The following INPP5D variants were observed in gnomAD, a reference collection of about 807,000 sequenced individuals.
INPP5D encodes the protein phosphatidylinositol 3,4,5-trisphosphate 5-phosphatase 1.
INPP5D carries 33 observed loss-of-function variants against 122.9 expected under a neutral mutation model. The ratio of observed to expected loss-of-function variants is 0.27; its 90% CI spans 0.20 to 0.36. The LOEUF (loss-of-function observed/expected upper bound fraction) is 0.36. Among genes scored for constraint, INPP5D ranks in the 10% least tolerant of loss-of-function variants. INPP5D has a pLI of 1.00. For missense variants in INPP5D, 1,053 were observed against 1,412.7 expected (o/e 0.75, Z 4.08); for synonymous variants, 584 against 576.2 (o/e 1.01, Z -0.19).
At chr2:233,169,039 T>A (rs1054823601) in intron 13 of INPP5D, 3 of 447,856 alleles carry the variant, frequency 6.7e-6, no homozygotes, top group Non-Finnish European at 1.2e-5. Flanking sequence ...CTGGTCACTT[T>A]AGAGAGAGAT....
rs990352685 is a variant in INPP5D, at chr2:233,065,925, G to A, written c.134+5313G>A. ...CTCCCAAAGTGCTGGGATTACAGGT[G>A]TGAGCCACCGCACCTGGCCTTTTTT... On this transcript the variant is annotated intron_variant, in intron 1 of 26. Coordinates refer to ENST00000445964, the MANE Select transcript of INPP5D (RefSeq NM_001017915.3). Among the ~76,000 whole-genome samples the A allele has an allele frequency of 2.2e-4, 34 of 151,128 alleles. No individual in the cohort carries two copies. In the East Asian group the frequency reaches 5.9e-3, roughly 26 times the overall value.
At position 233,146,590 on chromosome 2, in the gene INPP5D, C is replaced by T. The variant is rs528101970; in HGVS notation, c.906+152C>T. Among the ~76,000 whole-genome samples, 247 of 152,298 alleles carry T rather than the reference C, an allele frequency of 1.6e-3. 3 individuals carry two copies. Among genetic ancestry groups the T allele is most frequent in the African/African-American group, 5.8e-3 (242 of 41,564 alleles). On this transcript the variant is annotated intron_variant, in intron 8 of 26. Transcript: ENST00000445964. Reference sequence around the variant, plus strand: ...AGAATGGCAGTCAGTTGACCTTTGTCGCTGTGATGGCGGTTCAACGTCAGA... The same window carrying T: ...AGAATGGCAGTCAGTTGACCTTTGTTGCTGTGATGGCGGTTCAACGTCAGA...
At chr2:233,088,965 C>G (rs1691922231) in intron 2 of INPP5D, among the ~76,000 whole-genome samples, 1 of 152,198 alleles carries the variant, frequency 6.6e-6, no homozygotes, top group African/African-American at 2.4e-5. Context: ...GACCCTAGAC[C>G]CTGTCTGCCT....
chr2:233,099,474 G>A (rs1225141001), intron 2 of INPP5D, among the ~76,000 whole-genome samples: 2 of 152,302 alleles, frequency 1.3e-5, no homozygotes, highest in East Asian at 3.9e-4. Context: ...GCCTATGTCT[G>A]GACTGACACT....
Position 233,185,843 on chromosome 2 carries a change from G to A in INPP5D, c.2276G>A (p.Ser759Asn). Residue 759 changes from serine to asparagine, a missense_variant and splice_region_variant, in exon 21 of 27, where the codon AGT (serine) becomes AAT (asparagine). By Grantham distance (46) the Ser-to-Asn change is conservative. This residue lies in a region of INPP5D where 258 missense variants were observed against 439.1 expected (regional missense o/e 0.59). Coordinates refer to ENST00000445964, the MANE Select transcript of INPP5D (RefSeq NM_001017915.3). Reference protein sequence around the residue: ...YLEFHSSCLESFVKSQEGENE... With the variant: ...YLEFHSSCLENFVKSQEGENE... ...AACCAGCCTTTTTGTCCTCCAACAG[G>A]TTTTGTCAAGAGTCAGGAAGGAGAA... 1.2e-6 allele frequency: 2 copies of A among 1,601,948 alleles called. No individual in the cohort carries two copies. The highest frequency in any genetic ancestry group is 1.7e-6 in the Non-Finnish European group (2 of 1,173,960).
intron 2 of INPP5D, among the ~76,000 whole-genome samples, chr2:233,086,904 G>A (rs965981956): frequency 3.9e-5 from 6 of 152,096 alleles, no homozygotes; most frequent in African/African-American, 7.2e-5. Context: ...AGCCTGTGTC[G>A]TGTTTCTGGG....
intron 2 of INPP5D, among the ~76,000 whole-genome samples, chr2:233,112,481 G>A (rs962865851): frequency 2.6e-5 from 4 of 152,076 alleles, no homozygotes; most frequent in East Asian, 1.9e-4. Context: ...TCTTGGCCTC[G>A]ATTCAAAGGC....
intron 1 of INPP5D, among the ~76,000 whole-genome samples, chr2:233,066,459 A>G (rs867335203): frequency 1.3e-5 from 2 of 152,176 alleles, no homozygotes; most frequent in South Asian, 4.1e-4. Context: ...GCTGGGCTGC[A>G]TTTGCAAAAT....
At chr2:233,154,330 G>T (rs979497346) in intron 9 of INPP5D, among the ~76,000 whole-genome samples, 1 of 152,140 alleles carries the variant, frequency 6.6e-6, no homozygotes, top group African/African-American at 2.4e-5. Flanking sequence ...TGTATTTTTA[G>T]TAGAAATGAG....
intron 9 of INPP5D, among the ~76,000 whole-genome samples, chr2:233,153,346 G>C (rs1302124819): frequency 6.6e-6 from 1 of 152,176 alleles, no homozygotes; most frequent in East Asian, 1.9e-4. Flanking sequence ...AGACGAGGCT[G>C]ATGTCATTTC....
chr2:233,199,610 T>G (rs974483087), intron 25 of INPP5D, among the ~76,000 whole-genome samples: 15 of 151,690 alleles, frequency 9.9e-5, no homozygotes, highest in African/African-American at 3.4e-4. Context: ...CAGACAGATC[T>G]CGAGGTCAGG....
At position 233,130,543 on chromosome 2, in the gene INPP5D, A is replaced by G; in HGVS notation, c.560A>G (p.Tyr187Cys). 1 of 1,613,974 alleles carries G rather than the reference A, an allele frequency of 6.2e-7. No homozygotes were observed. The highest frequency in any genetic ancestry group is 8.5e-7 in the Non-Finnish European group (1 of 1,179,884). ...PEEHLKAIQD[Y>C]LSTQLAQDSE... ...GAGCATCTTAAGGCCATCCAAGATT[A>G]TTTAAGCACTCAGCTCGCCCAGGAC... is the stretch of plus-strand genomic sequence containing the variant. Residue 187 changes from tyrosine (Y) to cysteine (C), a missense_variant, in exon 5 of 27, where the codon TAT (tyrosine) becomes TGT (cysteine). Around this residue, in one of 6 missense-constraint regions of INPP5D, gnomAD observed 196 missense variants for 175.6 expected, o/e 1.12. Transcript: ENST00000445964.
chr2:233,186,562 G>A (rs774350217), intron 21 of INPP5D, among the ~76,000 whole-genome samples: 7 of 151,794 alleles, frequency 4.6e-5, no homozygotes, highest in Non-Finnish European at 5.9e-5. Context: ...CAGCACCTAG[G>A]AAGCCAAGGC....
intron 4 of INPP5D, among the ~76,000 whole-genome samples, chr2:233,127,859 C>T (rs1377085466): frequency 6.6e-6 from 1 of 152,196 alleles, no homozygotes; most frequent in Non-Finnish European, 1.5e-5. Flanking sequence ...CTGCCCGCCT[C>T]GACCTCCCAA....
chr2:233,147,389 G>GT, intron 8 of INPP5D, 82 bp from the exon 9 acceptor site: 1 of 684,720 alleles, frequency 1.5e-6, no homozygotes, highest in South Asian at 1.5e-5. Context: ...GCCCAGCCAT[G>GT]TAGACAAGGG....
rs182769682 is a variant in INPP5D, at chr2:233,100,788, C to T, written c.199-21319C>T. ...TTTCCCCAGAGGGCAGGGTGGGCCC[C>T]ACTGGGGAGCTGGAGGGCTCACTTT... On this transcript the variant is annotated intron_variant, in intron 2 of 26. Coordinates refer to ENST00000445964, the MANE Select transcript of INPP5D (RefSeq NM_001017915.3). This position sits in a 1 kb window ranked among gnomAD's most constrained non-coding sequence, Gnocchi z 5.3. 4.2e-4 allele frequency among the ~76,000 whole-genome samples: 64 copies of T among 152,352 alleles called. No individual in the cohort carries two copies. Among genetic ancestry groups the T allele is most frequent in the Admixed American group, 2.6e-3 (40 of 15,300 alleles).
intron 1 of INPP5D, among the ~76,000 whole-genome samples, chr2:233,076,901 C>T (rs952593018): frequency 3.3e-5 from 5 of 152,022 alleles, no homozygotes; most frequent in Non-Finnish European, 2.9e-5. Context: ...CATTCATATC[C>T]GGTTAGTAGG....
At chr2:233,158,216 A>G in intron 9 of INPP5D, 97 bp from the exon 10 acceptor site, 1 of 611,070 alleles carries the variant, frequency 1.6e-6, no homozygotes. Context: ...CAGCTTGGGG[A>G]CGGGAGTTGA....
intron 2 of INPP5D, among the ~76,000 whole-genome samples, chr2:233,086,588 C>T (rs184705471): frequency 2.2e-4 from 33 of 152,182 alleles, no homozygotes; most frequent in Non-Finnish European, 3.1e-4. Flanking sequence ...GGCCAACACA[C>T]GGAAAGGAGA....
Sources: allele counts gnomAD v4.1 joint callset (sites outside exome capture counted in the v4.1 genomes callset), GRCh38; gene constraint gnomAD v4.1.1; regional missense constraint gnomAD v4.1.1; non-coding constraint Gnocchi (gnomAD v3.1); transcripts MANE v1.5; gene names NCBI Gene and HGNC (gene_info 2026-07-23, HGNC 2026-07-21).